Variants in ST3GAL1 observed in about 807,000 individuals in gnomAD.
ST3GAL1 encodes CMP-N-acetylneuraminate-beta-galactosamide-alpha-2,3-sialyltransferase 1.
Under a neutral mutation model 34.1 loss-of-function variants are expected in ST3GAL1, and 16 were observed. That is an observed-to-expected ratio of 0.47 (90% CI 0.32 to 0.71). The LOEUF is 0.71. ST3GAL1 is among the 30% of genes least tolerant of loss of function. The probability of loss-of-function intolerance (pLI) is 0.04; values close to 1 mark genes in which losing one functional copy is unlikely to be tolerated. For synonymous variants in ST3GAL1, 191 were observed against 184.7 expected, an observed-to-expected ratio of 1.03 and a Z score of -0.28; for missense variants, 353 against 447.4, an observed-to-expected ratio of 0.79 and a Z score of 1.90.
Position 133,487,966 on chromosome 8 carries a change from G to GGA in ST3GAL1, c.-374+11168_-374+11169insTC, listed in dbSNP as rs33969599. On this transcript the variant is annotated intron_variant, in intron 3 of 9. Transcript: ENST00000522652. ...CTGGGCAACAGAGCGAGACTCTGTC[G>GGA]AAAAAAAAAAAAAGGAGAGAGAAAG... 3 of 142,272 alleles carry GGA rather than the reference G, an allele frequency of 2.1e-5. No homozygotes were observed. The East Asian group carries it at 6.1e-4, about 29-fold the overall frequency. 8.8% of individuals were successfully genotyped at this position (142,272 alleles called of 1,614,324 possible).
At chr8:133,477,339 A>G (rs1345123912) in intron 3 of ST3GAL1, among the ~76,000 whole-genome samples, 1 of 152,220 alleles carries the variant, frequency 6.6e-6, no homozygotes, top group Non-Finnish European at 1.5e-5. Flanking sequence ...CTAAGAGCTG[A>G]GAGGATGAGA....
chr8:133,462,121 T>A lies in ST3GAL1; in HGVS notation c.730-127A>T, dbSNP rs1056806005. 4.2e-5 allele frequency: 58 copies of A among 1,389,130 alleles called. No individual in the cohort carries two copies. In the African/African-American group the frequency reaches 7.9e-4, roughly 19 times the overall value. The allele number at this position is 1,389,130 out of a possible 1,614,324, so 86.1% of individuals were successfully genotyped here. A position where few individuals can be genotyped will look rare whatever the true frequency, so the allele number is the denominator to read the frequency against. ...ATGAGCCTAATAGATACGCCTGCAC[T>A]TGTGGGCTTCCATGCTCGTAGGAAA... On this transcript the variant is annotated intron_variant, in intron 8 of 9. Transcript: ENST00000522652.
chr8:133,500,339 G>C (rs1249007424), intron 2 of ST3GAL1, among the ~76,000 whole-genome samples: 1 of 152,234 alleles, frequency 6.6e-6, no homozygotes, highest in African/African-American at 2.4e-5. Context: ...GAAGGAGGGA[G>C]GAGGTGCCTA....
intron 6 of ST3GAL1, 151 bp from the exon 7 acceptor site, chr8:133,465,108 C>T (rs1815686928): frequency 8.4e-6 from 6 of 712,470 alleles, no homozygotes; most frequent in Non-Finnish European, 2.2e-6. Context: ...AAAATAGAGA[C>T]AATGAAGACA....
chr8:133,466,979 C>T lies in ST3GAL1; in HGVS notation c.307-889G>A, dbSNP rs528069550. Among the ~76,000 whole-genome samples, 1 of 151,964 alleles carries T rather than the reference C, an allele frequency of 6.6e-6. No homozygotes were observed. The highest frequency in any genetic ancestry group is 1.5e-5 in the Non-Finnish European group (1 of 67,976). On this transcript the variant is annotated intron_variant, in intron 5 of 9. Transcript: ENST00000522652. The surrounding 1 kb of genome is among the most constrained non-coding windows in gnomAD (Gnocchi z 4.4). ...GCATGGTGGTGCCCACCTGTAGTCC[C>T]AGCTACTTGGGAGGCTGAAGTGGGA...
At position 133,556,126 on chromosome 8, in the gene ST3GAL1, G is replaced by C. The variant is rs564911837; in HGVS notation, c.-581-10200C>G. Among the ~76,000 whole-genome samples the C allele has an allele frequency of 6.6e-6, 1 of 152,100 alleles. No homozygotes were observed. Among genetic ancestry groups the C allele is most frequent in the African/African-American group, 2.4e-5 (1 of 41,404 alleles). The stretch of plus-strand genomic sequence containing the variant: ...GCCCAGGCTGATCTCGAACTCCTGA[G>C]CTCAGGCAATCCACCCATCTCGGCC... On this transcript the variant is annotated intron_variant, in intron 1 of 9. Transcript: ENST00000522652. This position sits in a 1 kb window ranked among gnomAD's most constrained non-coding sequence, Gnocchi z 8.9.
At chr8:133,463,332 G>T in intron 8 of ST3GAL1, 82 bp downstream of exon 8, 1 of 1,523,788 alleles carries the variant, frequency 6.6e-7, no homozygotes, top group Non-Finnish European at 9.1e-7. Context: ...GGGCTGTCTT[G>T]CAACTCAATG....
chr8:133,568,548 A>T (rs2131123407), intron 1 of ST3GAL1, among the ~76,000 whole-genome samples: 1 of 152,194 alleles, frequency 6.6e-6, no homozygotes, highest in East Asian at 1.9e-4. Context: ...GAAAGCTTTT[A>T]CAAGATGGCT....
intron 2 of ST3GAL1, among the ~76,000 whole-genome samples, chr8:133,533,801 G>A (rs1818225301): frequency 6.6e-6 from 1 of 152,190 alleles, no homozygotes; most frequent in Admixed American, 6.5e-5. Context: ...TCTCTCCTGG[G>A]AACTTATCGA....
At position 133,545,759 on chromosome 8, in the gene ST3GAL1, G is replaced by C. The variant is rs566789771; in HGVS notation, c.-429+15C>G. On this transcript the variant is annotated intron_variant, in intron 2 of 9. Transcript: ENST00000522652. ...GCACATCTCACTTGTGCTGCGGACA[G>C]ATTAGTCACTTTACCTCCATAGGCT... 12 of 152,222 alleles carry C rather than the reference G, an allele frequency of 7.9e-5. No homozygotes were observed. The East Asian group carries it at 2.1e-3, about 27-fold the overall frequency. The allele number at this position is 152,222 out of a possible 1,614,324, so 9.4% of individuals were successfully genotyped here. A position where few individuals can be genotyped will look rare whatever the true frequency, so the allele number is the denominator to read the frequency against.
chr8:133,510,294 T>C (rs1269535364), intron 2 of ST3GAL1, among the ~76,000 whole-genome samples: 3 of 152,190 alleles, frequency 2.0e-5, no homozygotes, highest in Non-Finnish European at 4.4e-5. Context: ...CTGGGCACAA[T>C]GTGCAGGCAA....
chr8:133,479,149 T>C (rs1405192868), intron 3 of ST3GAL1, among the ~76,000 whole-genome samples: 1 of 152,218 alleles, frequency 6.6e-6, no homozygotes, highest in Non-Finnish European at 1.5e-5. Context: ...AGGTTGTCCA[T>C]TCATCTCATT....
chr8:133,551,615 A>AAAGG (rs1818868175), intron 1 of ST3GAL1, among the ~76,000 whole-genome samples: 2 of 146,062 alleles, frequency 1.4e-5, no homozygotes, highest in Admixed American at 7.1e-5. Context: ...AGAAAGAAAG[A>AAAGG]AAGAGCGAGC....
At chr8:133,534,406 G>A (rs1818246867) in intron 2 of ST3GAL1, among the ~76,000 whole-genome samples, 1 of 151,906 alleles carries the variant, frequency 6.6e-6, no homozygotes, top group Non-Finnish European at 1.5e-5. Context: ...ACAAATGCTT[G>A]CCAAATGGAT....
At chr8:133,563,389 T>C (rs757151893) in intron 1 of ST3GAL1, among the ~76,000 whole-genome samples, 60 of 152,342 alleles carry the variant, frequency 3.9e-4, no homozygotes, top group Non-Finnish European at 7.6e-4. Flanking sequence ...GAATCATACA[T>C]GATTACATAG....
At position 133,457,720 on chromosome 8, in the gene ST3GAL1, G is replaced by A. The variant is rs1183083926; in HGVS notation, c.*2044C>T. On this transcript the variant is annotated 3_prime_UTR_variant, in exon 10 of 10. Coordinates refer to ENST00000522652, the MANE Select transcript of ST3GAL1 (RefSeq NM_173344.3). ...AAAATGCTCATATGCAGAGATTCAG[G>A]GAAAAAACCAAACTTGGCACGCAAC... 1 of 152,164 alleles carries A rather than the reference G, an allele frequency of 6.6e-6. No homozygotes were observed. The highest frequency in any genetic ancestry group is 2.4e-5 in the African/African-American group (1 of 41,442). 9.4% of individuals were successfully genotyped at this position (152,164 alleles called of 1,614,324 possible).
At chr8:133,560,092 A>G (rs1390586546) in intron 1 of ST3GAL1, among the ~76,000 whole-genome samples, 1 of 152,244 alleles carries the variant, frequency 6.6e-6, no homozygotes, top group Non-Finnish European at 1.5e-5. Context: ...ATATATTTTC[A>G]TATTTTCAAA....
chr8:133,463,721 G>A (rs1299183655), intron 7 of ST3GAL1, among the ~76,000 whole-genome samples: 1 of 152,184 alleles, frequency 6.6e-6, no homozygotes, highest in Non-Finnish European at 1.5e-5. Flanking sequence ...AGGTGAGGAG[G>A]ACTTGCTCCA....
At chr8:133,543,658 A>C (rs2131071594) in intron 2 of ST3GAL1, among the ~76,000 whole-genome samples, 1 of 152,278 alleles carries the variant, frequency 6.6e-6, no homozygotes, top group South Asian at 2.1e-4. Flanking sequence ...GAAAAAAATC[A>C]ATATATTACT....
Sources: allele counts gnomAD v4.1 joint callset (sites outside exome capture counted in the v4.1 genomes callset), GRCh38; gene constraint gnomAD v4.1.1; non-coding constraint Gnocchi (gnomAD v3.1); transcripts MANE v1.5; gene names NCBI Gene and HGNC (gene_info 2026-07-23, HGNC 2026-07-21).